REDIC1: variants seen among roughly 807,000 people sequenced by gnomAD.
REDIC1 encodes HEI10 Interacting Protein 1.
chr12:39,862,288 T>G, the REDIC1 span, among the ~76,000 whole-genome samples: 6 of 152,262 alleles, frequency 3.9e-5, no homozygotes, highest in African/African-American at 1.4e-4. Flanking sequence ...TGGCCTGGTA[T>G]GCAACCAATA....
the REDIC1 span, among the ~76,000 whole-genome samples, chr12:39,761,260 C>T: frequency 0.98 from 148,318 of 151,990 alleles, 72,371 homozygotes; most frequent in East Asian, 1. Context: ...AATAAGGGGG[C>T]TTCTCAGCTC....
At chr12:39,704,965 T>A in the REDIC1 span, among the ~76,000 whole-genome samples, 3 of 151,584 alleles carry the variant, frequency 2.0e-5, no homozygotes, top group Non-Finnish European at 2.9e-5. Context: ...GAGATATACC[T>A]AATGCTAGAT....
chr12:39,867,820 A>T, the REDIC1 span, among the ~76,000 whole-genome samples: 1 of 152,194 alleles, frequency 6.6e-6, no homozygotes, highest in Non-Finnish European at 1.5e-5. Flanking sequence ...TCTGAATCAG[A>T]GTCTCCAGAA....
chr12:39,843,523 C>T, the REDIC1 span, among the ~76,000 whole-genome samples: 1 of 152,200 alleles, frequency 6.6e-6, no homozygotes, highest in Non-Finnish European at 1.5e-5. Context: ...ACTTGCCCTC[C>T]ATTTCAAGGT....
chr12:39,794,319 TGACA>T, the REDIC1 span, among the ~76,000 whole-genome samples: 1 of 152,150 alleles, frequency 6.6e-6, no homozygotes, highest in Admixed American at 6.6e-5. Context: ...CAAGAATTTC[TGACA>T]GACACTCTTT....
chr12:39,712,096 ATATACCT>A, the REDIC1 span, among the ~76,000 whole-genome samples: 2 of 123,952 alleles, frequency 1.6e-5, no homozygotes, highest in South Asian at 5.1e-4. Context: ...ATACATACAT[ATATACCT>A]GTATATATAC....
At chr12:39,706,090 C>G in the REDIC1 span, among the ~76,000 whole-genome samples, 4 of 151,922 alleles carry the variant, frequency 2.6e-5, no homozygotes, top group Non-Finnish European at 5.9e-5. Context: ...CATAAAAAAC[C>G]TATTAGAATT....
chr12:39,646,426 A>G, the REDIC1 span: 3 of 1,532,000 alleles, frequency 2.0e-6, no homozygotes, highest in East Asian at 2.6e-5. Context: ...CTCACTGTGT[A>G]CCTTCTAAAC....
chr12:39,891,121 T>A, the REDIC1 span, among the ~76,000 whole-genome samples: 1 of 42,064 alleles, frequency 2.4e-5, no homozygotes, highest in Non-Finnish European at 6.2e-5. Context: ...CAAATATACC[T>A]TTTTTTTTTT....
chr12:39,826,996 T>A, the REDIC1 span, among the ~76,000 whole-genome samples: 1 of 148,568 alleles, frequency 6.7e-6, no homozygotes, highest in African/African-American at 2.5e-5. Flanking sequence ...TTACCATTAC[T>A]TTTAATGGCA....
chr12:39,708,936 A>G, the REDIC1 span, among the ~76,000 whole-genome samples: 2 of 151,876 alleles, frequency 1.3e-5, no homozygotes, highest in Non-Finnish European at 2.9e-5. Flanking sequence ...TGTTAACTGT[A>G]TGTGTTAGTT....
the REDIC1 span, among the ~76,000 whole-genome samples, chr12:39,729,827 A>G: frequency 6.6e-6 from 1 of 151,840 alleles, no homozygotes; most frequent in Admixed American, 6.6e-5. Flanking sequence ...AACTTGCTTT[A>G]TGAATCTGGG....
the REDIC1 span, among the ~76,000 whole-genome samples, chr12:39,806,880 T>C: frequency 9.2e-5 from 14 of 152,170 alleles, 1 homozygote; most frequent in Admixed American, 7.9e-4. Context: ...TACTATACAA[T>C]ACTACTCAGC....
chr12:39,698,641 A>G, the REDIC1 span, among the ~76,000 whole-genome samples: 1 of 152,236 alleles, frequency 6.6e-6, no homozygotes, highest in South Asian at 2.1e-4. Context: ...ATGATATCAA[A>G]TATCTTTTCT....
chr12:39,885,158 G>T, the REDIC1 span, among the ~76,000 whole-genome samples: 2 of 152,232 alleles, frequency 1.3e-5, no homozygotes, highest in African/African-American at 4.8e-5. Context: ...TGAGGCAAAA[G>T]AACTGAGTGG....
At chr12:39,727,136 C>A in the REDIC1 span, among the ~76,000 whole-genome samples, 8 of 151,074 alleles carry the variant, frequency 5.3e-5, no homozygotes, top group Non-Finnish European at 1.2e-4. Context: ...TCTTGCTGTG[C>A]AGAAGCTCTT....
the REDIC1 span, among the ~76,000 whole-genome samples, chr12:39,733,940 T>G: frequency 1.3e-5 from 2 of 152,148 alleles, no homozygotes; most frequent in Non-Finnish European, 2.9e-5. Flanking sequence ...TTCCAGGCGC[T>G]ACTGGGGTAT....
the REDIC1 span, among the ~76,000 whole-genome samples, chr12:39,893,372 T>G: frequency 6.6e-6 from 1 of 152,246 alleles, no homozygotes; most frequent in Non-Finnish European, 1.5e-5. Context: ...CAATCTCAGC[T>G]GGCTGCAACC....
chr12:39,699,795 G>A, the REDIC1 span, among the ~76,000 whole-genome samples: 3 of 152,130 alleles, frequency 2.0e-5, no homozygotes, highest in Admixed American at 6.5e-5. Context: ...CCTGACCCCC[G>A]AGCAGCCTAA....
Sources: gnomAD v4.1 joint callset for allele counts (sites outside exome capture counted in the v4.1 genomes callset) on GRCh38, gnomAD v4.1.1 for gene constraint, MANE v1.5 for transcripts, NCBI Gene and HGNC (gene_info 2026-07-23, HGNC 2026-07-21) for gene names.